The following RASAL2 variants were observed in gnomAD, a reference collection of about 807,000 sequenced individuals.
RASAL2 encodes the protein RAS protein activator like 2, also known as ras GTPase-activating protein nGAP.
RASAL2 carries 58 observed loss-of-function variants against 128.9 expected under a neutral mutation model. The ratio of observed to expected loss-of-function variants is 0.45; its 90% confidence interval spans 0.36 to 0.56. The LOEUF (loss-of-function observed/expected upper bound fraction) is 0.56. Among genes scored for constraint, RASAL2 ranks in the 20% least tolerant of loss-of-function variants. The pLI is 0.00. For synonymous variants in RASAL2, 561 were observed against 580.8 expected (o/e 0.97, Z 0.49); for missense variants, 1,360 against 1,601.6 (o/e 0.85, Z 2.57).
At chr1:178,168,359 T>C (rs919845384) in intron 1 of RASAL2, among the ~76,000 whole-genome samples, 5 of 151,960 alleles carry the variant, frequency 3.3e-5, no homozygotes, top group African/African-American at 9.7e-5. Flanking sequence ...TGTAGATACA[T>C]ATCCCCAAGA....
At chr1:178,443,294 G>A (rs1676798318) in intron 8 of RASAL2, 65 bp downstream of exon 8, 1 of 1,372,494 alleles carries the variant, frequency 7.3e-7, no homozygotes. Context: ...ACCAAGATAT[G>A]GATATTGTAG....
chr1:178,229,190 A>G (rs1663902026), intron 1 of RASAL2, among the ~76,000 whole-genome samples: 1 of 152,212 alleles, frequency 6.6e-6, no homozygotes, highest in South Asian at 2.1e-4. Flanking sequence ...GAGTACCTTA[A>G]GAATATGATA....
At chr1:178,303,718 T>C (rs1157307093) in intron 3 of RASAL2, among the ~76,000 whole-genome samples, 2 of 151,938 alleles carry the variant, frequency 1.3e-5, no homozygotes, top group Non-Finnish European at 2.9e-5. Context: ...TAGAATAATA[T>C]ATTTGCAACA....
chr1:178,384,799 GA>G lies in RASAL2; in HGVS notation c.458-5293del, dbSNP rs1191150035. On this transcript the variant is annotated intron_variant, in intron 3 of 17. Coordinates refer to ENST00000367649, the MANE Select transcript of RASAL2 (RefSeq NM_170692.4). ...CTTTTATAATGTAACTCTTTTAAAA[GA>G]AAAAAAATTTAAATTATTATCTTTA... 2.7e-5 allele frequency among the ~76,000 whole-genome samples: 4 copies of G among 150,932 alleles called. No homozygotes were observed. The East Asian group carries it at 7.8e-4, about 29-fold the overall frequency.
intron 1 of RASAL2, among the ~76,000 whole-genome samples, chr1:178,176,515 G>A (rs1008759631): frequency 6.6e-6 from 1 of 151,694 alleles, no homozygotes; most frequent in East Asian, 1.9e-4. Context: ...CTCTTTCACC[G>A]AGCTTAGACG....
chr1:178,103,104 G>A lies in RASAL2; in HGVS notation c.202+8410G>A, dbSNP rs139390539. Among the ~76,000 whole-genome samples, 4 of 152,126 alleles carry A rather than the reference G, an allele frequency of 2.6e-5. No homozygotes were observed. In the East Asian group the frequency reaches 7.7e-4, roughly 29 times the overall value. On this transcript the variant is annotated intron_variant, in intron 1 of 17. Coordinates refer to ENST00000367649, the MANE Select transcript of RASAL2 (RefSeq NM_170692.4). ...TATCATAGGTTTTTACTGTATATAT[G>A]CATTTTTCTCTATTTTTACACGTAT...
intron 1 of RASAL2, among the ~76,000 whole-genome samples, chr1:178,141,053 G>A (rs1372549391): frequency 1.3e-5 from 2 of 152,126 alleles, no homozygotes; most frequent in African/African-American, 4.8e-5. Flanking sequence ...AAACAGCCAG[G>A]TCTTATGTGA....
intron 1 of RASAL2, among the ~76,000 whole-genome samples, chr1:178,203,442 C>T (rs568464998): frequency 3.2e-4 from 48 of 152,270 alleles, no homozygotes; most frequent in African/African-American, 1.1e-3. Flanking sequence ...TGCTCTGAAT[C>T]GGCATCTAAT....
At chr1:178,109,655 C>A (rs1659224142) in intron 1 of RASAL2, among the ~76,000 whole-genome samples, 1 of 152,120 alleles carries the variant, frequency 6.6e-6, no homozygotes, top group South Asian at 2.1e-4. Context: ...ATCTGTGATT[C>A]TGTTTTGGCC....
intron 1 of RASAL2, among the ~76,000 whole-genome samples, chr1:178,098,569 A>G (rs765918572): frequency 3.3e-5 from 5 of 152,154 alleles, no homozygotes; most frequent in East Asian, 1.9e-4. Context: ...TAAGATCCCA[A>G]TCTCTAGGAT....
chr1:178,429,998 A>G (rs1458898448), intron 5 of RASAL2, among the ~76,000 whole-genome samples: 1 of 151,976 alleles, frequency 6.6e-6, no homozygotes, highest in East Asian at 1.9e-4. Context: ...TTATTCTAGG[A>G]CTAACTTTTT....
At chr1:178,353,478 G>T (rs1466859527) in intron 3 of RASAL2, among the ~76,000 whole-genome samples, 1 of 152,248 alleles carries the variant, frequency 6.6e-6, no homozygotes, top group East Asian at 1.9e-4. Context: ...CTTCAGCCTG[G>T]ACTTCACTGT....
intron 1 of RASAL2, among the ~76,000 whole-genome samples, chr1:178,101,123 A>G (rs1419434982): frequency 6.6e-6 from 1 of 152,324 alleles, no homozygotes; most frequent in South Asian, 2.1e-4. Flanking sequence ...TCAAGAAGTA[A>G]TGTGGTTCAC....
chr1:178,363,172 T>C (rs1671218442), intron 3 of RASAL2, among the ~76,000 whole-genome samples: 1 of 152,158 alleles, frequency 6.6e-6, no homozygotes. Flanking sequence ...TACTAACACT[T>C]GTTATCTCTT....
chr1:178,181,294 A>G (rs2101929435), intron 1 of RASAL2, among the ~76,000 whole-genome samples: 1 of 152,256 alleles, frequency 6.6e-6, no homozygotes, highest in South Asian at 2.1e-4. Flanking sequence ...TTAATATGGT[A>G]CATTCATCAT....
At chr1:178,172,230 A>T (rs1422751581) in intron 1 of RASAL2, among the ~76,000 whole-genome samples, 1 of 152,028 alleles carries the variant, frequency 6.6e-6, no homozygotes, top group Non-Finnish European at 1.5e-5. Context: ...AATTATATCT[A>T]CAAATTGGCC....
chr1:178,201,491 G>A (rs1387227079), intron 1 of RASAL2, among the ~76,000 whole-genome samples: 1 of 152,196 alleles, frequency 6.6e-6, no homozygotes, highest in Admixed American at 6.5e-5. Flanking sequence ...GGCAGCATCT[G>A]CATCTTGGAA....
intron 1 of RASAL2, among the ~76,000 whole-genome samples, chr1:178,236,615 A>G (rs554754709): frequency 1.3e-5 from 2 of 152,322 alleles, no homozygotes; most frequent in African/African-American, 2.4e-5. Flanking sequence ...CAAAAAACAG[A>G]AAGGGTTTGC....
chr1:178,334,182 C>T (rs1669473452), intron 3 of RASAL2, among the ~76,000 whole-genome samples: 1 of 151,956 alleles, frequency 6.6e-6, no homozygotes, highest in Non-Finnish European at 1.5e-5. Context: ...TTTTTTACTG[C>T]ATGTGCAGAA....
Sources: allele counts gnomAD v4.1 joint callset (sites outside exome capture counted in the v4.1 genomes callset), GRCh38; gene constraint gnomAD v4.1.1; transcripts MANE v1.5; gene names NCBI Gene and HGNC (gene_info 2026-07-23, HGNC 2026-07-21).